Variants in ATP6V0D1 observed in about 807,000 individuals in gnomAD.
ATP6V0D1 encodes the protein V-type proton ATPase subunit d 1.
ATP6V0D1 carries 13 observed loss-of-function variants against 39.0 expected under a neutral mutation model. The ratio of observed to expected loss-of-function variants is 0.33; its 90% CI spans 0.22 to 0.53. ATP6V0D1 has a LOEUF of 0.53. ATP6V0D1 is among the 20% of genes least tolerant of loss of function. The pLI is 0.94. For missense variants in ATP6V0D1, 272 were observed against 470.9 expected (o/e 0.58, Z 3.91); for synonymous variants, 191 against 191.2 (o/e 1.00, Z 0.01).
chr16:67,473,790 T>TGG (rs549521295), intron 1 of ATP6V0D1, among the ~76,000 whole-genome samples: 213 of 152,296 alleles, frequency 1.4e-3, no homozygotes, highest in Admixed American at 3.2e-3. Context: ...CCCAAAGTGC[T>TGG]GGGATTACAG....
chr16:67,442,652 G>A (rs190788974), intron 4 of ATP6V0D1, among the ~76,000 whole-genome samples: 5 of 152,098 alleles, frequency 3.3e-5, no homozygotes, highest in Admixed American at 6.5e-5. Flanking sequence ...GGGAACCTAC[G>A]AGGGACATGA....
Position 67,447,096 on chromosome 16 carries a change from T to C in ATP6V0D1, c.303-2390A>G, listed in dbSNP as rs1192924938. Among the ~76,000 whole-genome samples the C allele has an allele frequency of 6.6e-6, 1 of 152,088 alleles. No homozygotes were observed. The highest frequency in any genetic ancestry group is 1.5e-5 in the Non-Finnish European group (1 of 68,016). ...CTCCTCTTTTTCAACGTCCCCCTCC[T>C]TGCGCCCCCCACTCAGGGCATCTGT... On this transcript the variant is annotated intron_variant, in intron 2 of 7. Coordinates refer to ENST00000290949, the MANE Select transcript of ATP6V0D1 (RefSeq NM_004691.5). This position sits in a 1 kb window ranked among gnomAD's most constrained non-coding sequence, Gnocchi z 4.1.
At chr16:67,475,792 G>A (rs532165779) in intron 1 of ATP6V0D1, among the ~76,000 whole-genome samples, 1 of 152,296 alleles carries the variant, frequency 6.6e-6, no homozygotes, top group South Asian at 2.1e-4. Flanking sequence ...CAAGACTGAT[G>A]TCCAATACAG....
chr16:67,458,432 G>A (rs982574573), intron 1 of ATP6V0D1, among the ~76,000 whole-genome samples: 2 of 152,156 alleles, frequency 1.3e-5, no homozygotes, highest in Non-Finnish European at 2.9e-5. Context: ...GGAAGCCAGG[G>A]GCTAGTTCTG....
Position 67,456,367 on chromosome 16 carries a change from G to C in ATP6V0D1, c.131-2652C>G, listed in dbSNP as rs1175293066. 1 of 152,218 alleles carries C rather than the reference G, an allele frequency of 6.6e-6. No individual in the cohort carries two copies. The highest frequency in any genetic ancestry group is 2.4e-5 in the African/African-American group (1 of 41,446). The allele number at this position is 152,218 out of a possible 1,614,324, so 9.4% of individuals were successfully genotyped here. On this transcript the variant is annotated intron_variant, in intron 1 of 7. Coordinates refer to ENST00000290949, the MANE Select transcript of ATP6V0D1 (RefSeq NM_004691.5). This position sits in a 1 kb window ranked among gnomAD's most constrained non-coding sequence, Gnocchi z 4.1. The stretch of plus-strand genomic sequence containing the variant: ...TAATGCCCCTGATGTGGTTTTTGTG[G>C]ATGTGAAATGGTAAGAATATTAACT...
intron 1 of ATP6V0D1, among the ~76,000 whole-genome samples, chr16:67,474,908 A>G (rs778607866): frequency 2.6e-5 from 4 of 152,178 alleles, no homozygotes; most frequent in Admixed American, 2.0e-4. Flanking sequence ...AGATGAGGAC[A>G]TCGACCTTGA....
chr16:67,446,124 G>A (rs1161685593), intron 2 of ATP6V0D1, among the ~76,000 whole-genome samples: 1 of 152,142 alleles, frequency 6.6e-6, no homozygotes, highest in East Asian at 1.9e-4. Flanking sequence ...TTGGTAGGAG[G>A]TGTCTTCCCC....
intron 1 of ATP6V0D1, among the ~76,000 whole-genome samples, chr16:67,464,418 C>T (rs752876698): frequency 1.3e-5 from 2 of 152,330 alleles, no homozygotes; most frequent in African/African-American, 2.4e-5. Flanking sequence ...ACCTTGGACC[C>T]AGCTTCCCAG....
At chr16:67,480,644 G>A (rs1445435742) in intron 1 of ATP6V0D1, among the ~76,000 whole-genome samples, 2 of 152,108 alleles carry the variant, frequency 1.3e-5, no homozygotes, top group Non-Finnish European at 2.9e-5. Context: ...AGGTTTGTAT[G>A]GCCACACCTC....
intron 1 of ATP6V0D1, among the ~76,000 whole-genome samples, chr16:67,474,836 G>A (rs754022674): frequency 1.4e-4 from 21 of 152,092 alleles, no homozygotes; most frequent in Non-Finnish European, 2.4e-4. Flanking sequence ...CTTCTACAAC[G>A]TGTTCCTTCT....
intron 2 of ATP6V0D1, among the ~76,000 whole-genome samples, chr16:67,450,015 C>T (rs565203975): frequency 5.9e-5 from 9 of 152,274 alleles, no homozygotes; most frequent in Non-Finnish European, 4.4e-5. Context: ...CTAAGGTGAC[C>T]TCTGTAATGG....
chr16:67,448,186 T>C (rs944070490), intron 2 of ATP6V0D1, among the ~76,000 whole-genome samples: 11 of 151,360 alleles, frequency 7.3e-5, no homozygotes, highest in Non-Finnish European at 1.0e-4. Flanking sequence ...CTCATTTCTA[T>C]TAAAAAATCA....
chr16:67,478,129 T>C (rs2041431712), intron 1 of ATP6V0D1, among the ~76,000 whole-genome samples: 2 of 152,196 alleles, frequency 1.3e-5, no homozygotes, highest in Admixed American at 1.3e-4. Flanking sequence ...TCACAACCTG[T>C]ATGAGATAGG....
chr16:67,445,116 T>C (rs1454776276), intron 2 of ATP6V0D1, among the ~76,000 whole-genome samples: 1 of 152,106 alleles, frequency 6.6e-6, no homozygotes, highest in Non-Finnish European at 1.5e-5. Context: ...AGAAAGTGTG[T>C]TCTGGGAAGA....
intron 1 of ATP6V0D1, among the ~76,000 whole-genome samples, chr16:67,470,659 T>C (rs1034169402): frequency 1.3e-5 from 2 of 152,144 alleles, no homozygotes; most frequent in Admixed American, 1.3e-4. Flanking sequence ...TTAATATCTT[T>C]AGTGTTACTA....
Position 67,466,334 on chromosome 16 carries a change from C to T in ATP6V0D1, c.131-12619G>A, listed in dbSNP as rs1013289443. ...TGTATCTAGTAAACACATACACACA[C>T]ACACACACACACACACACACACACA... On this transcript the variant is annotated intron_variant, in intron 1 of 7. Transcript: ENST00000290949. Among the ~76,000 whole-genome samples, 544 of 116,060 alleles carry T rather than the reference C, an allele frequency of 4.7e-3. 6 individuals are homozygous for T. The highest frequency in any genetic ancestry group is 5.8e-3 in the Non-Finnish European group (339 of 58,658). 76.1% of individuals were successfully genotyped at this position (116,060 alleles called of 152,430 possible).
At chr16:67,457,627 G>A (rs1272587872) in intron 1 of ATP6V0D1, 11 of 1,289,426 alleles carry the variant, frequency 8.5e-6, no homozygotes, top group Non-Finnish European at 1.1e-5. Context: ...AGTCCCTCTG[G>A]CATCCCTTGT....
At chr16:67,458,199 T>C (rs1390417662) in intron 1 of ATP6V0D1, among the ~76,000 whole-genome samples, 1 of 152,186 alleles carries the variant, frequency 6.6e-6, no homozygotes, top group East Asian at 1.9e-4. Context: ...AAGACAGTAC[T>C]GGTCAGGCCT....
chr16:67,473,413 A>G (rs1014160219), intron 1 of ATP6V0D1, among the ~76,000 whole-genome samples: 1 of 151,820 alleles, frequency 6.6e-6, no homozygotes, highest in Non-Finnish European at 1.5e-5. Context: ...CAGTGGTGCA[A>G]TCTCAGCTCA....
Sources: gnomAD v4.1 joint callset for allele counts (sites outside exome capture counted in the v4.1 genomes callset) on GRCh38, gnomAD v4.1.1 for gene constraint, Gnocchi (gnomAD v3.1) non-coding constraint, MANE v1.5 for transcripts, NCBI Gene and HGNC (gene_info 2026-07-23, HGNC 2026-07-21) for gene names.